DOP1B: variants seen among roughly 807,000 people sequenced by gnomAD.
DOP1B encodes the protein DOP1 leucine zipper like protein B.
DOP1B carries 174 observed loss-of-function variants against 233.5 expected under a neutral mutation model. The ratio of observed to expected loss-of-function variants is 0.75; its 90% CI spans 0.66 to 0.85. DOP1B has a LOEUF of 0.85. Among genes scored for constraint, DOP1B ranks in the 40% least tolerant of loss-of-function variants. DOP1B has a pLI of 0.00. For synonymous variants in DOP1B, 1,190 were observed against 1,185.6 expected, an observed-to-expected ratio of 1.00 and a Z score of -0.08; for missense variants, 2,652 against 2,846.6, an observed-to-expected ratio of 0.93 and a Z score of 1.56.
At chr21:36,254,131 G>A (rs1319587317) in intron 23 of DOP1B, among the ~76,000 whole-genome samples, 1 of 152,114 alleles carries the variant, frequency 6.6e-6, no homozygotes, top group Admixed American at 6.6e-5. Flanking sequence ...GAGGTCAGGG[G>A]CTCTCATTCC....
At chr21:36,195,340 C>CA (rs60003046) in intron 2 of DOP1B, among the ~76,000 whole-genome samples, 17,593 of 83,940 alleles carry the variant, frequency 0.21, 1,671 homozygotes, top group Middle Eastern at 0.27. Flanking sequence ...GACTCTGGCT[C>CA]AAAAAAAAAA....
chr21:36,173,854 C>A (rs144723068), intron 2 of DOP1B, among the ~76,000 whole-genome samples: 1,537 of 141,234 alleles, frequency 0.011, 21 homozygotes, highest in Middle Eastern at 0.049. Context: ...AAAATCTTAT[C>A]ATTAAAGCTC....
rs1041911665 is a variant in DOP1B at position 36,281,470 on chromosome 21, GTATT to G, written c.6032-8_6032-5del. ...TTTTCTCACTAAGTAAAACATTGCT[GTATT>G]TATTCTAGACATGCAGAGCAGTTCT... is the stretch of plus-strand genomic sequence containing the variant. On this transcript the variant is annotated splice_polypyrimidine_tract_variant and intron_variant, in intron 31 of 36. Coordinates refer to ENST00000691173, the MANE Select transcript of DOP1B (RefSeq NM_001320714.2). The G allele has an allele frequency of 2.0e-5, 31 of 1,580,778 alleles. 1 individual carries two copies. The highest frequency in any genetic ancestry group is 1.7e-4 in the Middle Eastern group (1 of 5,932).
At chr21:36,269,914 G>A in intron 26 of DOP1B, 99 bp from the exon 27 acceptor site, 2 of 1,256,266 alleles carry the variant, frequency 1.6e-6, no homozygotes, top group Admixed American at 3.8e-5. Flanking sequence ...GCTCACAGCT[G>A]TGGCCTGCAT....
At chr21:36,159,807 T>C (rs2065854296) in intron 1 of DOP1B, among the ~76,000 whole-genome samples, 1 of 152,224 alleles carries the variant, frequency 6.6e-6, no homozygotes, top group African/African-American at 2.4e-5. Flanking sequence ...CTCTGGACTT[T>C]GAGGACTCCT....
intron 32 of DOP1B, among the ~76,000 whole-genome samples, chr21:36,284,108 C>T (rs1458469473): frequency 2.0e-5 from 3 of 151,114 alleles, no homozygotes; most frequent in African/African-American, 7.3e-5. Flanking sequence ...CCACCACACT[C>T]AGCTAATTTT....
chr21:36,255,895 C>T (rs769666410), intron 23 of DOP1B, among the ~76,000 whole-genome samples: 11 of 152,246 alleles, frequency 7.2e-5, no homozygotes, highest in Non-Finnish European at 1.0e-4. Flanking sequence ...AATTTCATTA[C>T]AGCAGCCTGG....
intron 7 of DOP1B, 146 bp downstream of exon 7, chr21:36,212,243 CA>C: frequency 6.6e-6 from 6 of 902,502 alleles, no homozygotes; most frequent in Non-Finnish European, 7.6e-6. Context: ...TGGCACTGGT[CA>C]GTTGAGGTCT....
At chr21:36,276,062 G>T (rs540499303) in intron 27 of DOP1B, among the ~76,000 whole-genome samples, 1 of 141,650 alleles carries the variant, frequency 7.1e-6, no homozygotes, top group African/African-American at 2.6e-5. Context: ...GAGCTGGAGC[G>T]GAGTCGGGGA....
At chr21:36,208,134 T>G (rs961560851) in intron 4 of DOP1B, among the ~76,000 whole-genome samples, 1 of 152,160 alleles carries the variant, frequency 6.6e-6, no homozygotes, top group African/African-American at 2.4e-5. Context: ...GTGGGCAGAC[T>G]GAAAGGAAAC....
rs766979851 is a variant in DOP1B at position 36,293,457 on chromosome 21, T to G, written c.6783T>G (p.Pro2261=). 6.2e-7 allele frequency: 1 copy of G among 1,614,226 alleles called. No individual in the cohort carries two copies. The highest frequency in any genetic ancestry group is 8.5e-7 in the Non-Finnish European group (1 of 1,180,040). ...NGAFKTQRQL[P]ADSPGTPFLD... is the part of the protein sequence containing the mutation. ...CATTTAAGACCCAGAGACAGCTGCC[T>G]GCTGATAGCCCAGGAACTCCATTCT... Residue 2261 remains proline, a synonymous_variant, in exon 37 of 37, where the codon CCT becomes CCG. Transcript: ENST00000691173.
chr21:36,277,058 C>A lies in DOP1B; in HGVS notation c.5670C>A (p.Ala1890=). 1.2e-6 allele frequency: 2 copies of A among 1,614,094 alleles called. No homozygotes were observed. Among genetic ancestry groups the A allele is most frequent in the Non-Finnish European group, 1.7e-6 (2 of 1,180,002 alleles). The stretch of plus-strand genomic sequence containing the variant: ...CTTCAGCAATGGTGTCTTCATCCGC[C>A]CCGTCGGTGTACAGCGTGCAAGCCC... ...AAASAMVSSS[A]PSVYSVQALS... is the part of the protein sequence containing the mutation. Residue 1890 remains alanine (A), a synonymous_variant, in exon 28 of 37, where the codon GCC becomes GCA. Coordinates refer to ENST00000691173, the MANE Select transcript of DOP1B (RefSeq NM_001320714.2).
intron 21 of DOP1B, among the ~76,000 whole-genome samples, chr21:36,249,104 C>A (rs2067003810): frequency 6.7e-6 from 1 of 148,408 alleles, no homozygotes; most frequent in African/African-American, 2.5e-5. Flanking sequence ...AACCCCATCT[C>A]AAAAAAAAAT....
chr21:36,177,925 C>G (rs1170234944), intron 2 of DOP1B, among the ~76,000 whole-genome samples: 2 of 152,188 alleles, frequency 1.3e-5, no homozygotes, highest in African/African-American at 2.4e-5. Context: ...AGCAATCTAA[C>G]AGAATTGAGT....
chr21:36,167,929 CTTTTCTTTTTCTTTTTTTTT>C (rs1358340239), intron 2 of DOP1B, among the ~76,000 whole-genome samples: 5 of 97,310 alleles, frequency 5.1e-5, no homozygotes, highest in Non-Finnish European at 8.1e-5. Flanking sequence ...CTTTTCTTTT[CTTTTCTTTTTCTTTTTTTTT>C]TTTTTTTTTT....
intron 16 of DOP1B, among the ~76,000 whole-genome samples, chr21:36,238,218 A>G (rs1372096013): frequency 2.6e-5 from 4 of 152,176 alleles, no homozygotes; most frequent in Non-Finnish European, 5.9e-5. Flanking sequence ...AAAAGAATAT[A>G]TTTTATTGAG....
intron 2 of DOP1B, among the ~76,000 whole-genome samples, chr21:36,179,170 G>T (rs925750564): frequency 1.3e-5 from 2 of 152,208 alleles, no homozygotes; most frequent in Non-Finnish European, 2.9e-5. Flanking sequence ...TTACTGCTGA[G>T]TAAGAGTCCA....
At chr21:36,195,645 C>T (rs2123462235) in intron 2 of DOP1B, among the ~76,000 whole-genome samples, 1 of 152,254 alleles carries the variant, frequency 6.6e-6, no homozygotes, top group Non-Finnish European at 1.5e-5. Context: ...GTCTTTTTCA[C>T]ATTAAATGAA....
chr21:36,230,818 G>A lies in DOP1B; in HGVS notation c.2034G>A (p.Arg678=), dbSNP rs2066754636. The A allele has an allele frequency of 6.2e-7, 1 of 1,614,128 alleles. No homozygotes were observed. Among genetic ancestry groups the A allele is most frequent in the Non-Finnish European group, 8.5e-7 (1 of 1,180,006 alleles). Reference sequence around the variant, plus strand: ...GCCTGGCAGCCAATGATTCCAGCAGGAAGAACTCTTGGGAGCCCAAGCCCA... The same window carrying A: ...GCCTGGCAGCCAATGATTCCAGCAGAAAGAACTCTTGGGAGCCCAAGCCCA... ...TQSLAANDSS[R]KNSWEPKPIT... The change falls in exon 14 of 37, where the codon AGG becomes AGA. Residue 678 remains arginine, a synonymous_variant. Coordinates refer to ENST00000691173, the MANE Select transcript of DOP1B (RefSeq NM_001320714.2).
Sources: gnomAD v4.1 joint callset for allele counts (sites outside exome capture counted in the v4.1 genomes callset) on GRCh38, gnomAD v4.1.1 for gene constraint, MANE v1.5 for transcripts, NCBI Gene and HGNC (gene_info 2026-07-23, HGNC 2026-07-21) for gene names.